NRG3: variants seen among roughly 807,000 people sequenced by gnomAD.
NRG3 encodes pro-neuregulin-3, membrane-bound isoform.
In NRG3, 31 loss-of-function variants were observed where a neutral mutation model predicts 66.9. The ratio of observed to expected loss-of-function variants is 0.46; its 90% CI spans 0.35 to 0.63. The LOEUF is 0.63. NRG3 is among the 20% of genes least tolerant of loss of function. The pLI, the probability that NRG3 is intolerant of heterozygous loss-of-function variation, is 0.00. For missense variants in NRG3, 910 were observed against 878.9 expected, an observed-to-expected ratio of 1.04 and a Z score of -0.45; for synonymous variants, 393 against 359.4, an observed-to-expected ratio of 1.09 and a Z score of -1.06.
chr10:82,848,384 C>A (rs930741116), intron 3 of NRG3, among the ~76,000 whole-genome samples: 3 of 152,200 alleles, frequency 2.0e-5, no homozygotes, highest in African/African-American at 7.2e-5. Flanking sequence ...TGCATGGGGC[C>A]TGTAGTCCCT....
At chr10:82,751,356 C>A (rs1204013924) in intron 3 of NRG3, among the ~76,000 whole-genome samples, 1 of 152,118 alleles carries the variant, frequency 6.6e-6, no homozygotes, top group East Asian at 1.9e-4. Context: ...TTCCTGATTT[C>A]TTGTCTTCAC....
intron 2 of NRG3, among the ~76,000 whole-genome samples, chr10:82,561,380 C>G (rs10884934): frequency 0.11 from 16,855 of 152,164 alleles, 1,679 homozygotes; most frequent in African/African-American, 0.26. Flanking sequence ...GGCCAGGCAC[C>G]ATGGCTCACG....
intron 2 of NRG3, among the ~76,000 whole-genome samples, chr10:82,662,951 A>G (rs2052480234): frequency 6.6e-6 from 1 of 152,188 alleles, no homozygotes; most frequent in African/African-American, 2.4e-5. Flanking sequence ...CCAGGTAGGA[A>G]GAAGAAAAAG....
Position 82,002,861 on chromosome 10 carries a change from TA to T in NRG3, c.823+126706del, listed in dbSNP as rs892569111. 4.2e-3 allele frequency among the ~76,000 whole-genome samples: 642 copies of T among 152,134 alleles called. 6 individuals carry two copies. The highest frequency in any genetic ancestry group is 0.015 in the African/African-American group (623 of 41,516). ...CAAATGTATGATTTGTTCATTCTTT[TA>T]AAAAAAATTGAGTGCTAAGTGCCAG... On this transcript the variant is annotated intron_variant, in intron 1 of 8. Coordinates refer to ENST00000372141, the MANE Select transcript of NRG3 (RefSeq NM_001010848.4).
At chr10:82,450,121 G>A (rs759335814) in intron 2 of NRG3, among the ~76,000 whole-genome samples, 1 of 152,138 alleles carries the variant, frequency 6.6e-6, no homozygotes, top group Non-Finnish European at 1.5e-5. Flanking sequence ...TCCCTCTCTG[G>A]TAAATTTTTA....
intron 1 of NRG3, among the ~76,000 whole-genome samples, chr10:81,952,746 G>A (rs929442900): frequency 6.6e-6 from 1 of 152,014 alleles, no homozygotes; most frequent in African/African-American, 2.4e-5. Flanking sequence ...TGGGACTAAA[G>A]GTGTGCATAC....
chr10:82,418,351 T>G (rs2088746750), intron 2 of NRG3, among the ~76,000 whole-genome samples: 1 of 148,546 alleles, frequency 6.7e-6, no homozygotes, highest in South Asian at 2.1e-4. Context: ...GAAAAGTTGA[T>G]GTTATGTTCC....
chr10:82,789,987 G>A (rs534767617), intron 3 of NRG3, among the ~76,000 whole-genome samples: 3 of 152,096 alleles, frequency 2.0e-5, no homozygotes, highest in African/African-American at 7.2e-5. Flanking sequence ...GACAATCTTT[G>A]CTCATGGATA....
chr10:81,980,759 C>A (rs1441438735), intron 1 of NRG3, among the ~76,000 whole-genome samples: 1 of 152,140 alleles, frequency 6.6e-6, no homozygotes, highest in Non-Finnish European at 1.5e-5. Flanking sequence ...AGTTCAAGAG[C>A]AAGTTGTTGG....
intron 1 of NRG3, among the ~76,000 whole-genome samples, chr10:82,130,143 T>C (rs2068717959): frequency 6.6e-6 from 1 of 152,100 alleles, no homozygotes; most frequent in African/African-American, 2.4e-5. Context: ...TATCATATTT[T>C]CTTTTTTTTT....
chr10:82,842,093 A>G (rs1053544937), intron 3 of NRG3, among the ~76,000 whole-genome samples: 5 of 152,134 alleles, frequency 3.3e-5, no homozygotes, highest in Admixed American at 3.3e-4. Flanking sequence ...TCTACTAAAA[A>G]TACAAAAATT....
At chr10:82,208,566 G>C (rs2075243714) in intron 1 of NRG3, among the ~76,000 whole-genome samples, 3 of 151,674 alleles carry the variant, frequency 2.0e-5, no homozygotes, top group Admixed American at 1.3e-4. Context: ...CACGAACAAA[G>C]ACAATGTTTG....
chr10:82,388,592 T>C (rs1441687617), intron 2 of NRG3, among the ~76,000 whole-genome samples: 1 of 152,216 alleles, frequency 6.6e-6, no homozygotes, highest in Non-Finnish European at 1.5e-5. Flanking sequence ...TGTGTACATT[T>C]ATAACAAACA....
chr10:82,055,549 G>A (rs1370293509), intron 1 of NRG3, among the ~76,000 whole-genome samples: 1 of 151,760 alleles, frequency 6.6e-6, no homozygotes, highest in African/African-American at 2.4e-5. Flanking sequence ...ACTGGAGTGA[G>A]GTAAAGAGAA....
chr10:82,317,895 G>GGAAAAAATA (rs1351324019), intron 1 of NRG3, among the ~76,000 whole-genome samples: 1 of 151,600 alleles, frequency 6.6e-6, no homozygotes, highest in Non-Finnish European at 1.5e-5. Context: ...AGGAAGGCAG[G>GGAAAAAATA]GAAAAAATAG....
chr10:82,305,119 C>T (rs369762250), intron 1 of NRG3, among the ~76,000 whole-genome samples: 14 of 150,892 alleles, frequency 9.3e-5, no homozygotes, highest in African/African-American at 2.7e-4. Flanking sequence ...CTCAGCCTCC[C>T]GAGTAGCTGG....
At chr10:82,506,269 CAA>C (rs1275218184) in intron 2 of NRG3, among the ~76,000 whole-genome samples, 1 of 152,154 alleles carries the variant, frequency 6.6e-6, no homozygotes, top group African/African-American at 2.4e-5. Context: ...AACAACAAAA[CAA>C]GAGACTTTGC....
At chr10:82,885,717 G>A (rs887531655) in intron 4 of NRG3, among the ~76,000 whole-genome samples, 1 of 152,274 alleles carries the variant, frequency 6.6e-6, no homozygotes, top group South Asian at 2.1e-4. Context: ...AAAGTTTACC[G>A]GATATCATTT....
At chr10:82,659,822 T>G (rs890838700) in intron 2 of NRG3, among the ~76,000 whole-genome samples, 2 of 152,122 alleles carry the variant, frequency 1.3e-5, no homozygotes, top group Non-Finnish European at 2.9e-5. Context: ...TTGCCTTTTC[T>G]TCTGTTATTA....
Sources: allele counts gnomAD v4.1 joint callset (sites outside exome capture counted in the v4.1 genomes callset), GRCh38; gene constraint gnomAD v4.1.1; transcripts MANE v1.5; gene names NCBI Gene and HGNC (gene_info 2026-07-23, HGNC 2026-07-21).